Variants in PFKFB2 observed in about 807,000 individuals in gnomAD.
PFKFB2 encodes 6-phosphofructo-2-kinase/fructose-2,6-biphosphatase 2.
PFKFB2 carries 53 observed loss-of-function variants against 68.0 expected under a neutral mutation model. The ratio of observed to expected loss-of-function variants is 0.78; its 90% CI spans 0.63 to 0.98. The LOEUF is 0.98. Among genes scored for constraint, PFKFB2 ranks in the 50% least tolerant of loss-of-function variants. PFKFB2 has a pLI of 0.00. For synonymous variants in PFKFB2, 222 were observed against 227.6 expected (o/e 0.98, Z 0.22); for missense variants, 451 against 642.0 (o/e 0.70, Z 3.22).
chr1:207,055,590 A>G (rs1171495927), intron 2 of PFKFB2, among the ~76,000 whole-genome samples: 1 of 151,804 alleles, frequency 6.6e-6, no homozygotes, highest in Non-Finnish European at 1.5e-5. Flanking sequence ...CTGCTTCTGG[A>G]TGGCACCATT....
rs1168353028 is a variant in PFKFB2 at position 207,072,946 on chromosome 1, C to G, written c.*575C>G. The G allele has an allele frequency of 2.0e-6, 2 of 985,584 alleles. No homozygotes were observed. Among genetic ancestry groups the G allele is most frequent in the South Asian group, 9.4e-5 (2 of 21,294 alleles). The allele number at this position is 985,584 out of a possible 1,614,324, so 61.1% of individuals were successfully genotyped here. ...GAAGGAAGGGGTGATTGACAAGAGA[C>G]AAGTCTGGCCCAGTTAATGCTTTCT... On this transcript the variant is annotated 3_prime_UTR_variant, in exon 15 of 15. Transcript: ENST00000367080.
intron 2 of PFKFB2, among the ~76,000 whole-genome samples, chr1:207,043,078 T>C (rs1039155910): frequency 2.0e-5 from 3 of 152,170 alleles, no homozygotes; most frequent in African/African-American, 2.4e-5. Flanking sequence ...CTAAAATTGA[T>C]TGTTGGGTCT....
downstream of PFKFB2, among the ~76,000 whole-genome samples, chr1:207,078,554 T>G (rs1004086701): frequency 6.6e-6 from 1 of 152,164 alleles, no homozygotes; most frequent in South Asian, 2.1e-4. Flanking sequence ...ACTAAAATAG[T>G]AGGGACCCTC....
At chr1:207,077,868 C>T, downstream of PFKFB2, 1 of 884,676 alleles carries the variant, frequency 1.1e-6, no homozygotes, top group Middle Eastern at 5.7e-4. Flanking sequence ...TGTTTCCCAT[C>T]CCTTCCCCAC....
In PFKFB2 at chr1:207,075,147, T is replaced by C; in HGVS notation, c.*2776T>C. On this transcript the variant is annotated 3_prime_UTR_variant, in exon 15 of 15. Coordinates refer to ENST00000367080, the MANE Select transcript of PFKFB2 (RefSeq NM_006212.2). ...CACTCTTAGCAAAAGGGGACTTCTC[T>C]AACAAGCTAGCATTGTGTTAACCTG... The C allele has an allele frequency of 1.0e-6, 1 of 985,492 alleles. No individual in the cohort carries two copies. Among genetic ancestry groups the C allele is most frequent in the Non-Finnish European group, 1.2e-6 (1 of 829,952 alleles). 61.0% of individuals were successfully genotyped at this position (985,492 alleles called of 1,614,324 possible). A position where few individuals can be genotyped will look rare whatever the true frequency, so the allele number is the denominator to read the frequency against.
At chr1:207,050,859 G>A (rs1682728084), upstream of PFKFB2, 1 of 1,612,446 alleles carries the variant, frequency 6.2e-7, no homozygotes, top group African/African-American at 1.3e-5. Flanking sequence ...TGCAAAACAT[G>A]GGTGCCGTCC....
chr1:207,050,846 C>T (rs780085839), upstream of PFKFB2: 8 of 1,612,920 alleles, frequency 5.0e-6, no homozygotes, highest in Non-Finnish European at 6.8e-6. Flanking sequence ...GCTGGACAGC[C>T]CCTGCAAAAC....
In PFKFB2 at chr1:207,076,859, C is replaced by T; in HGVS notation, c.*4488C>T. The T allele has an allele frequency of 3.0e-6, 3 of 984,832 alleles. No individual in the cohort carries two copies. Among genetic ancestry groups the T allele is most frequent in the Non-Finnish European group, 3.6e-6 (3 of 829,512 alleles). The allele number at this position is 984,832 out of a possible 1,614,324, so 61.0% of individuals were successfully genotyped here. ...CTAGGGTCTGTAAGCTGACAGTCTG[C>T]CTGCTTTCTGATTGTATCCATTGAA... is the stretch of plus-strand genomic sequence containing the variant. On this transcript the variant is annotated 3_prime_UTR_variant, in exon 15 of 15. Transcript: ENST00000367080.
At chr1:207,059,751 T>C (rs971004465) in intron 2 of PFKFB2, among the ~76,000 whole-genome samples, 5 of 152,274 alleles carry the variant, frequency 3.3e-5, no homozygotes, top group Non-Finnish European at 7.4e-5. Context: ...TAGGAAACTT[T>C]TCCTTCCGAG....
intron 13 of PFKFB2, 59 bp from the exon 14 acceptor site, chr1:207,071,450 C>G (rs1405361015): frequency 7.1e-7 from 1 of 1,404,504 alleles, no homozygotes; most frequent in Non-Finnish European, 1.0e-6. Flanking sequence ...TTTCCCATAA[C>G]TAAGGAATTT....
intron 1 of PFKFB2, among the ~76,000 whole-genome samples, chr1:207,038,453 C>G (rs185430541): frequency 2.0e-4 from 31 of 152,338 alleles, no homozygotes; most frequent in Admixed American, 1.4e-3. Context: ...GTCCCCTTCT[C>G]CTGTTTATCA....
At chr1:207,050,352 G>C (rs547874198), upstream of PFKFB2, among the ~76,000 whole-genome samples, 1 of 152,116 alleles carries the variant, frequency 6.6e-6, no homozygotes, top group African/African-American at 2.4e-5. Context: ...TAGGGAAAAA[G>C]AGACATAAGG....
chr1:207,038,458 T>G (rs1217899345), intron 1 of PFKFB2, among the ~76,000 whole-genome samples: 1 of 152,246 alleles, frequency 6.6e-6, no homozygotes. Context: ...CTTCTCCTGT[T>G]TATCATACTG....
At chr1:207,071,081 C>G (rs1275754440) in intron 12 of PFKFB2, 107 bp from the exon 13 acceptor site, 2 of 896,550 alleles carry the variant, frequency 2.2e-6, no homozygotes, top group Non-Finnish European at 3.6e-6. Context: ...AAGAGGTGGT[C>G]AAAGTAAGGG....
chr1:207,061,179 A>C lies in PFKFB2; in HGVS notation c.86-774A>C, dbSNP rs979263856. ...TATATATATCTTTATATATATATAT[A>C]TATATATATATATATATATATATTT... is the stretch of plus-strand genomic sequence containing the variant. On this transcript the variant is annotated intron_variant, in intron 2 of 14. Coordinates refer to ENST00000367080, the MANE Select transcript of PFKFB2 (RefSeq NM_006212.2). 5.3e-4 allele frequency among the ~76,000 whole-genome samples: 41 copies of C among 77,292 alleles called. 3 individuals carry two copies. Among genetic ancestry groups the C allele is most frequent in the African/African-American group, 1.7e-3 (39 of 22,974 alleles). 50.7% of individuals were successfully genotyped at this position (77,292 alleles called of 152,430 possible). A position where few individuals can be genotyped will look rare whatever the true frequency, so the allele number is the denominator to read the frequency against.
Position 207,076,052 on chromosome 1 carries a change from T to G in PFKFB2, c.*3681T>G, listed in dbSNP as rs955911365. The G allele has an allele frequency of 6.1e-6, 6 of 985,322 alleles. No individual in the cohort carries two copies. Among genetic ancestry groups the G allele is most frequent in the Non-Finnish European group, 7.2e-6 (6 of 829,946 alleles). The allele number at this position is 985,322 out of a possible 1,614,324, so 61.0% of individuals were successfully genotyped here. ...GCCTCTGGTGTTTCGTTGTTGTTGT[T>G]ATTGTTTGTTTGTTTCCAAAGAAGT... On this transcript the variant is annotated 3_prime_UTR_variant, in exon 15 of 15. Transcript: ENST00000367080.
intron 2 of PFKFB2, among the ~76,000 whole-genome samples, chr1:207,058,954 C>T (rs1365499765): frequency 2.0e-5 from 3 of 152,212 alleles, no homozygotes; most frequent in Non-Finnish European, 2.9e-5. Context: ...TGAAATTAAT[C>T]AGGTGGCAGT....
At chr1:207,038,712 C>G (rs1218474131) in intron 1 of PFKFB2, among the ~76,000 whole-genome samples, 1 of 152,164 alleles carries the variant, frequency 6.6e-6, no homozygotes, top group African/African-American at 2.4e-5. Flanking sequence ...AGGTAATGTG[C>G]TGATGTCATA....
chr1:207,050,674 C>T (rs376820840), upstream of PFKFB2: 16 of 1,612,712 alleles, frequency 9.9e-6, no homozygotes, highest in South Asian at 7.7e-5. Context: ...CTGGCCCCAG[C>T]CCTGATTCCT....
Sources: gnomAD v4.1 joint callset for allele counts (sites outside exome capture counted in the v4.1 genomes callset) on GRCh38, gnomAD v4.1.1 for gene constraint, MANE v1.5 for transcripts, NCBI Gene and HGNC (gene_info 2026-07-23, HGNC 2026-07-21) for gene names.